GFM2: variants seen among roughly 807,000 people sequenced by gnomAD.
GFM2 encodes the protein GTP dependent ribosome recycling factor mitochondrial 2.
In GFM2, 72 loss-of-function variants were observed where a neutral mutation model predicts 95.4. The observed-to-expected ratio is 0.76, with a 90% CI of 0.62 to 0.92. GFM2 has a LOEUF of 0.92. GFM2 is among the 40% of genes least tolerant of loss of function. The pLI is 0.00. For synonymous variants in GFM2, 276 were observed against 317.5 expected (o/e 0.87, Z 1.39); for missense variants, 825 against 924.1 (o/e 0.89, Z 1.39).
chr5:74,749,244 G>C (rs1274952029), intron 7 of GFM2, among the ~76,000 whole-genome samples: 1 of 151,842 alleles, frequency 6.6e-6, no homozygotes, highest in Non-Finnish European at 1.5e-5. Flanking sequence ...CTAATTCCTG[G>C]GCTCAAGCGA....
chr5:74,736,580 T>C (rs925828497), intron 15 of GFM2: 7 of 1,398,906 alleles, frequency 5.0e-6, no homozygotes. Flanking sequence ...GAATATAATA[T>C]GAGAAGAATG....
At chr5:74,728,569 CCT>C (rs1750255891) in intron 17 of GFM2, among the ~76,000 whole-genome samples, 1 of 151,934 alleles carries the variant, frequency 6.6e-6, no homozygotes, top group African/African-American at 2.4e-5. Flanking sequence ...CTTTCTATCG[CCT>C]CTCTTATTTC....
At chr5:74,764,700 A>G (rs1744454399) in intron 1 of GFM2, among the ~76,000 whole-genome samples, 1 of 151,016 alleles carries the variant, frequency 6.6e-6, no homozygotes, top group Non-Finnish European at 1.5e-5. Flanking sequence ...GCTAAGAAAC[A>G]TTCACTACTC....
At position 74,755,680 on chromosome 5, in the gene GFM2, A is replaced by C. The variant is rs1005234931; in HGVS notation, c.304+3169T>G. 1.4e-4 allele frequency among the ~76,000 whole-genome samples: 21 copies of C among 152,328 alleles called. 1 individual carries two copies. In the East Asian group the frequency reaches 3.9e-3, roughly 28 times the overall value. On this transcript the variant is annotated intron_variant, in intron 5 of 20. Transcript: ENST00000296805. ...ATCCTCCTAGATTAAACCAGGAAGA[A>C]ACAGAAACTGAACAGACAAATAACA... is the stretch of plus-strand genomic sequence containing the variant.
chr5:74,757,730 CTAAAAA>C (rs1561261758), intron 5 of GFM2, among the ~76,000 whole-genome samples: 1 of 33,190 alleles, frequency 3.0e-5, no homozygotes, highest in African/African-American at 2.3e-4. Context: ...GCCTATGTCT[CTAAAAA>C]AAAAAAAAAA....
At chr5:74,735,660 G>A (rs1024630779) in intron 15 of GFM2, among the ~76,000 whole-genome samples, 1 of 152,192 alleles carries the variant, frequency 6.6e-6, no homozygotes, top group African/African-American at 2.4e-5. Flanking sequence ...TAATGCAAGA[G>A]AGAACAGAAG....
chr5:74,736,316 GA>G (rs1485274258), intron 15 of GFM2: 1 of 961,076 alleles, frequency 1.0e-6, no homozygotes, highest in Non-Finnish European at 1.2e-6. Flanking sequence ...AGAAGCCACT[GA>G]AAAAAATCTG....
intron 16 of GFM2, among the ~76,000 whole-genome samples, chr5:74,731,849 A>G (rs918236951): frequency 6.6e-6 from 1 of 152,106 alleles, no homozygotes; most frequent in African/African-American, 2.4e-5. Context: ...TATTCTGCAG[A>G]ATGAGATGGA....
intron 17 of GFM2, among the ~76,000 whole-genome samples, chr5:74,728,471 T>C (rs1266030727): frequency 6.6e-6 from 1 of 152,166 alleles, no homozygotes; most frequent in Non-Finnish European, 1.5e-5. Flanking sequence ...GCTTGCTGTC[T>C]GAGGGATGGC....
chr5:74,726,177 C>G (rs758363436), intron 17 of GFM2, 51 bp from the exon 18 acceptor site: 2 of 1,417,180 alleles, frequency 1.4e-6, no homozygotes, highest in African/African-American at 1.4e-5. Flanking sequence ...GGAAAGGTAT[C>G]AAGGTACTAT....
At chr5:74,735,198 A>G (rs959586519) in intron 15 of GFM2, among the ~76,000 whole-genome samples, 3 of 152,232 alleles carry the variant, frequency 2.0e-5, no homozygotes, top group African/African-American at 4.8e-5. Flanking sequence ...CAAGGCATTT[A>G]AAGTAACAGA....
intron 4 of GFM2, 31 bp downstream of exon 4, chr5:74,759,338 T>C (rs1744162447): frequency 3.1e-6 from 4 of 1,300,728 alleles, no homozygotes; most frequent in African/African-American, 1.5e-5. Flanking sequence ...TGACAGTCTA[T>C]GGAAAAGCAT....
At chr5:74,763,277 T>C (rs982072578) in intron 2 of GFM2, among the ~76,000 whole-genome samples, 1 of 152,232 alleles carries the variant, frequency 6.6e-6, no homozygotes, top group Non-Finnish European at 1.5e-5. Flanking sequence ...ATAATTATGT[T>C]GTACTTTGAT....
At chr5:74,756,511 C>T (rs918523054) in intron 5 of GFM2, among the ~76,000 whole-genome samples, 1 of 152,062 alleles carries the variant, frequency 6.6e-6, no homozygotes, top group African/African-American at 2.4e-5. Flanking sequence ...GTATCTTTTT[C>T]GTATAATTAT....
intron 19 of GFM2, 170 bp from the exon 20 acceptor site, chr5:74,722,731 CAG>C (rs1403475961): frequency 1.4e-5 from 8 of 552,662 alleles, no homozygotes; most frequent in African/African-American, 1.9e-5. Flanking sequence ...AGCATGATAA[CAG>C]AATTTATAGA....
chr5:74,765,456 G>A (rs72764656), intron 1 of GFM2, among the ~76,000 whole-genome samples: 24,437 of 152,138 alleles, frequency 0.16, 2,383 homozygotes, highest in African/African-American at 0.27. Flanking sequence ...GAAGCAGGAA[G>A]GAGGAATTGG....
At chr5:74,758,436 T>G (rs543704964) in intron 5 of GFM2, among the ~76,000 whole-genome samples, 1 of 152,308 alleles carries the variant, frequency 6.6e-6, no homozygotes, top group East Asian at 1.9e-4. Flanking sequence ...CTATGGGGCA[T>G]GAATCTTCTA....
At chr5:74,744,053 T>A in intron 10 of GFM2, among the ~76,000 whole-genome samples, 1 of 152,222 alleles carries the variant, frequency 6.6e-6, no homozygotes, top group East Asian at 1.9e-4. Flanking sequence ...GTGACAGGGA[T>A]AAGTTCTGAG....
intron 5 of GFM2, among the ~76,000 whole-genome samples, chr5:74,751,728 T>A (rs1743723666): frequency 6.6e-6 from 1 of 152,152 alleles, no homozygotes; most frequent in South Asian, 2.1e-4. Flanking sequence ...ATCTTTTAAG[T>A]TTACTGAACT....
Sources: gnomAD v4.1 joint callset for allele counts (sites outside exome capture counted in the v4.1 genomes callset) on GRCh38, gnomAD v4.1.1 for gene constraint, MANE v1.5 for transcripts, NCBI Gene and HGNC (gene_info 2026-07-23, HGNC 2026-07-21) for gene names.